Variants in APLF observed in about 807,000 individuals in gnomAD.
The protein encoded by APLF is aprataxin and PNK-like factor.
A neutral mutation model predicts 55.6 loss-of-function variants in APLF; 61 were observed. The ratio of observed to expected loss-of-function variants is 1.10; its 90% CI spans 0.89 to 1.36. The LOEUF (loss-of-function observed/expected upper bound fraction) is 1.36. APLF is among the 40% of genes most tolerant of loss of function. The pLI is 0.00. For synonymous variants in APLF, 207 were observed against 214.8 expected, an observed-to-expected ratio of 0.96 and a Z score of 0.32; for missense variants, 611 against 602.5, an observed-to-expected ratio of 1.01 and a Z score of -0.15.
rs1338216887 is a variant in APLF, at chr2:68,539,575, G to A, written c.1160+1348G>A. On this transcript the variant is annotated intron_variant, in intron 7 of 9. Coordinates refer to ENST00000303795, the MANE Select transcript of APLF (RefSeq NM_173545.3). ...CCCTATCTCCAAATTAGTCACACTGGAAATTAGGGCTTCAACATATGAATT... is the reference window on the plus strand; with the variant it reads ...CCCTATCTCCAAATTAGTCACACTGAAAATTAGGGCTTCAACATATGAATT... Among the ~76,000 whole-genome samples the A allele has an allele frequency of 2.0e-5, 3 of 152,106 alleles. No individual in the cohort carries two copies. In the East Asian group the frequency reaches 5.8e-4, roughly 29 times the overall value.
Position 68,467,648 on chromosome 2 carries a change from TG to T in APLF, c.-81del. 1 of 1,133,180 alleles carries T rather than the reference TG, an allele frequency of 8.8e-7. No homozygotes were observed. Among genetic ancestry groups the T allele is most frequent in the Non-Finnish European group, 1.1e-6 (1 of 896,016 alleles). The allele number at this position is 1,133,180 out of a possible 1,614,324, so 70.2% of individuals were successfully genotyped here. Reference sequence around the variant, plus strand: ...TCCCTCGGTGTTTTTTCCCAGGGCGTGGGCTTGCCCCGCGCGTGTCTGTGGA... The same window carrying T: ...TCCCTCGGTGTTTTTTCCCAGGGCGTGGCTTGCCCCGCGCGTGTCTGTGGA... On this transcript the variant is annotated 5_prime_UTR_variant, in exon 1 of 10. Coordinates refer to ENST00000303795, the MANE Select transcript of APLF (RefSeq NM_173545.3).
At chr2:68,486,134 G>A (rs139032820) in intron 1 of APLF, among the ~76,000 whole-genome samples, 81 of 152,054 alleles carry the variant, frequency 5.3e-4, no homozygotes, top group Admixed American at 1.4e-3. Context: ...CTTCTGACAT[G>A]CACCCATCAA....
chr2:68,508,916 A>C (rs1306096981), intron 3 of APLF, among the ~76,000 whole-genome samples: 1 of 152,008 alleles, frequency 6.6e-6, no homozygotes, highest in Non-Finnish European at 1.5e-5. Context: ...AAATAACACC[A>C]CACATCTACA....
At chr2:68,530,364 C>A (rs1355057329) in intron 6 of APLF, among the ~76,000 whole-genome samples, 1 of 152,140 alleles carries the variant, frequency 6.6e-6, no homozygotes, top group African/African-American at 2.4e-5. Context: ...GGCTCCAGTC[C>A]TCTACAAAGA....
At chr2:68,549,601 C>G (rs1670800514) in intron 8 of APLF, among the ~76,000 whole-genome samples, 1 of 152,050 alleles carries the variant, frequency 6.6e-6, no homozygotes, top group Admixed American at 6.6e-5. Flanking sequence ...ATGGTGTGCA[C>G]TTACATGTGT....
At chr2:68,572,679 TA>T (rs11429194) in intron 9 of APLF, among the ~76,000 whole-genome samples, 2 of 151,602 alleles carry the variant, frequency 1.3e-5, no homozygotes, top group African/African-American at 2.4e-5. Context: ...CTACAAAAAA[TA>T]AAAAAAATTA....
intron 3 of APLF, among the ~76,000 whole-genome samples, chr2:68,508,814 C>T (rs560161606): frequency 6.6e-6 from 1 of 152,250 alleles, no homozygotes; most frequent in East Asian, 1.9e-4. Context: ...TACCTGACTT[C>T]AAACTATACT....
chr2:68,578,761 G>A lies in APLF; in HGVS notation c.*739G>A, dbSNP rs1671689498. ...TGATTATTTTAACTCTCAGTGTGCTGTCTTTATATTAAGAATAGAGAAACG... is the reference window on the plus strand; with the variant it reads ...TGATTATTTTAACTCTCAGTGTGCTATCTTTATATTAAGAATAGAGAAACG... On this transcript the variant is annotated 3_prime_UTR_variant, in exon 10 of 10. Transcript: ENST00000303795. 1 of 984,972 alleles carries A rather than the reference G, an allele frequency of 1.0e-6. No homozygotes were observed. The highest frequency in any genetic ancestry group is 1.2e-6 in the Non-Finnish European group (1 of 829,804). The allele number at this position is 984,972 out of a possible 1,614,324, so 61.0% of individuals were successfully genotyped here. A position where few individuals can be genotyped will look rare whatever the true frequency, so the allele number is the denominator to read the frequency against.
At chr2:68,558,530 C>CA (rs1401425639) in intron 8 of APLF, among the ~76,000 whole-genome samples, 4 of 152,008 alleles carry the variant, frequency 2.6e-5, no homozygotes, top group African/African-American at 9.7e-5. Context: ...TTTGATAGGA[C>CA]AAAAATATAG....
chr2:68,481,147 T>G (rs1297055663), intron 1 of APLF, among the ~76,000 whole-genome samples: 1 of 152,222 alleles, frequency 6.6e-6, no homozygotes, highest in African/African-American at 2.4e-5. Context: ...CTTGTAATAG[T>G]TCCTTTCCCT....
At chr2:68,515,827 T>C (rs1466088847) in intron 5 of APLF, 4 of 737,332 alleles carry the variant, frequency 5.4e-6, no homozygotes, top group East Asian at 2.6e-4. Flanking sequence ...TTTAGTACTT[T>C]AGAACAGTTT....
intron 8 of APLF, among the ~76,000 whole-genome samples, chr2:68,546,555 G>T (rs1670712220): frequency 6.6e-6 from 1 of 151,654 alleles, no homozygotes; most frequent in African/African-American, 2.4e-5. Context: ...TAAATAAAAA[G>T]GAAAATATAA....
At chr2:68,518,918 A>C (rs865777999) in intron 5 of APLF, among the ~76,000 whole-genome samples, 34 of 125,314 alleles carry the variant, frequency 2.7e-4, no homozygotes, top group South Asian at 2.3e-3. Context: ...TAAAATAATA[A>C]TATATCATTA....
At chr2:68,518,774 A>AATAAAATATTAATAATATG (rs1669766603) in intron 5 of APLF, among the ~76,000 whole-genome samples, 1 of 88,106 alleles carries the variant, frequency 1.1e-5, no homozygotes. Context: ...TTAATAATAT[A>AATAAAATATTAATAATATG]TCATTATATA....
chr2:68,547,631 AG>A (rs1364817501), intron 8 of APLF, among the ~76,000 whole-genome samples: 1 of 151,834 alleles, frequency 6.6e-6, no homozygotes, highest in African/African-American at 2.4e-5. Context: ...TAAGGGGATA[AG>A]TAGATATTCA....
At chr2:68,572,819 A>G (rs111579763) in intron 9 of APLF, among the ~76,000 whole-genome samples, 3,856 of 152,164 alleles carry the variant, frequency 0.025, 62 homozygotes, top group South Asian at 0.043. Context: ...ACCCTGGGCA[A>G]CAGAGCAACA....
At chr2:68,486,012 T>C (rs1321837155) in intron 1 of APLF, among the ~76,000 whole-genome samples, 1 of 151,994 alleles carries the variant, frequency 6.6e-6, no homozygotes, top group African/African-American at 2.4e-5. Flanking sequence ...TTGTATGGAA[T>C]CATGGATTAT....
intron 8 of APLF, among the ~76,000 whole-genome samples, chr2:68,561,814 G>T (rs60290643): frequency 1.3e-5 from 2 of 152,008 alleles, no homozygotes; most frequent in Non-Finnish European, 2.9e-5. Context: ...TCAAAGGGTA[G>T]ATTTCTGAAA....
intron 9 of APLF, among the ~76,000 whole-genome samples, chr2:68,575,412 T>C (rs1671594167): frequency 1.3e-5 from 2 of 152,154 alleles, no homozygotes; most frequent in South Asian, 4.1e-4. Flanking sequence ...TCTTCAAAGC[T>C]GAGACCTGTA....
Sources: allele counts gnomAD v4.1 joint callset (sites outside exome capture counted in the v4.1 genomes callset), GRCh38; gene constraint gnomAD v4.1.1; transcripts MANE v1.5; gene names NCBI Gene and HGNC (gene_info 2026-07-23, HGNC 2026-07-21).